Variants in IMMP2L observed in about 807,000 individuals in gnomAD.
IMMP2L encodes the protein mitochondrial inner membrane protease subunit 2.
Under a neutral mutation model 19.3 loss-of-function variants are expected in IMMP2L, and 18 were observed. That is an observed-to-expected ratio of 0.93 (90% CI 0.64 to 1.38). The LOEUF (loss-of-function observed/expected upper bound fraction) is 1.38. Ranked by LOEUF, IMMP2L falls within the 40% of genes most tolerant of loss-of-function variation. IMMP2L has a pLI of 0.00. For synonymous variants in IMMP2L, 76 were observed against 73.0 expected, an observed-to-expected ratio of 1.04 and a Z score of -0.21; for missense variants, 233 against 218.2, an observed-to-expected ratio of 1.07 and a Z score of -0.43.
In IMMP2L at chr7:111,561,863, T is replaced by C. The variant is rs1437275948; in HGVS notation, c.-15A>G. On this transcript the variant is annotated 5_prime_UTR_variant, in exon 1 of 6. Transcript: ENST00000405709. ...ATTCCTTACTTACCCTTTCTCCCGC[T>C]CTTCCTCGGTGAGAAGGGGTAAGTG... 1 of 152,668 alleles carries C rather than the reference T, an allele frequency of 6.6e-6. No individual in the cohort carries two copies. Among genetic ancestry groups the C allele is most frequent in the Non-Finnish European group, 1.5e-5 (1 of 68,066 alleles). 9.5% of individuals were successfully genotyped at this position (152,668 alleles called of 1,614,324 possible).
Position 110,694,918 on chromosome 7 carries a change from G to A in IMMP2L, c.409-31197C>T, listed in dbSNP as rs536958637. 2.0e-5 allele frequency among the ~76,000 whole-genome samples: 3 copies of A among 152,198 alleles called. No individual in the cohort carries two copies. In the South Asian group the frequency reaches 6.2e-4, roughly 32 times the overall value. ...AATGAAATACTGATAAATGAACATGGATAAACCTTGAAAGCGTCGTGTTAA... is the reference window on the plus strand; with the variant it reads ...AATGAAATACTGATAAATGAACATGAATAAACCTTGAAAGCGTCGTGTTAA... On this transcript the variant is annotated intron_variant, in intron 5 of 5. Transcript: ENST00000405709.
chr7:111,425,091 G>A (rs1835936733), intron 3 of IMMP2L, among the ~76,000 whole-genome samples: 1 of 151,826 alleles, frequency 6.6e-6, no homozygotes, highest in Admixed American at 6.6e-5. Context: ...CAACTGAAAT[G>A]TAAATGTAAT....
chr7:111,013,516 TTC>T (rs1325453292), intron 3 of IMMP2L, among the ~76,000 whole-genome samples: 1 of 151,936 alleles, frequency 6.6e-6, no homozygotes, highest in African/African-American at 2.4e-5. Flanking sequence ...GTGTGCAAGT[TTC>T]TGTTTTAGTA....
At chr7:111,188,038 TAGGAAGGGTTGGGA>T (rs1033030867) in intron 3 of IMMP2L, among the ~76,000 whole-genome samples, 1 of 152,054 alleles carries the variant, frequency 6.6e-6, no homozygotes, top group Admixed American at 6.5e-5. Flanking sequence ...GAAGCTTTAG[TAGGAAGGGTTGGGA>T]ACTTCCTGGC....
chr7:110,876,657 T>C (rs756742216), intron 5 of IMMP2L, among the ~76,000 whole-genome samples: 3 of 152,174 alleles, frequency 2.0e-5, no homozygotes, highest in Non-Finnish European at 4.4e-5. Flanking sequence ...TAAGGACTCT[T>C]ATGAGTCAAT....
At chr7:110,875,422 T>C (rs1808967994) in intron 5 of IMMP2L, among the ~76,000 whole-genome samples, 1 of 152,178 alleles carries the variant, frequency 6.6e-6, no homozygotes, top group Non-Finnish European at 1.5e-5. Flanking sequence ...AAGAATGCAA[T>C]ACAGTGTTTT....
chr7:111,508,731 A>G (rs1563289627), intron 2 of IMMP2L, among the ~76,000 whole-genome samples: 2 of 152,162 alleles, frequency 1.3e-5, no homozygotes, highest in African/African-American at 2.4e-5. Flanking sequence ...TAGAAAACCA[A>G]TTAGGAAAGG....
intron 5 of IMMP2L, among the ~76,000 whole-genome samples, chr7:110,811,431 A>T (rs557185254): frequency 6.6e-6 from 1 of 152,170 alleles, no homozygotes; most frequent in East Asian, 1.9e-4. Flanking sequence ...ATATTCATAA[A>T]CAAATATAAG....
chr7:111,042,953 C>T (rs1362907506), intron 3 of IMMP2L, among the ~76,000 whole-genome samples: 13 of 152,148 alleles, frequency 8.5e-5, no homozygotes, highest in East Asian at 3.8e-4. Flanking sequence ...AATTGAAATT[C>T]GATAAATACT....
At chr7:111,494,156 A>AT (rs1434475592) in intron 2 of IMMP2L, among the ~76,000 whole-genome samples, 1 of 152,226 alleles carries the variant, frequency 6.6e-6, no homozygotes, top group African/African-American at 2.4e-5. Context: ...AAGAGACTAC[A>AT]TCAAAATATA....
At chr7:111,369,186 A>G (rs1322774258) in intron 3 of IMMP2L, among the ~76,000 whole-genome samples, 1 of 151,996 alleles carries the variant, frequency 6.6e-6, no homozygotes, top group Non-Finnish European at 1.5e-5. Flanking sequence ...TAAAGGGATG[A>G]CATTACATAT....
intron 3 of IMMP2L, among the ~76,000 whole-genome samples, chr7:111,342,262 T>C (rs1283686799): frequency 1.3e-5 from 2 of 152,034 alleles, no homozygotes; most frequent in African/African-American, 4.8e-5. Flanking sequence ...AAATATTATA[T>C]TTTTATAAAA....
chr7:111,282,832 C>T (rs1232623254), intron 3 of IMMP2L, among the ~76,000 whole-genome samples: 2 of 152,158 alleles, frequency 1.3e-5, no homozygotes, highest in Non-Finnish European at 2.9e-5. Context: ...GATTCACCCC[C>T]TCGGCCTCCC....
At chr7:110,750,142 T>C (rs1797631504) in intron 5 of IMMP2L, among the ~76,000 whole-genome samples, 3 of 152,104 alleles carry the variant, frequency 2.0e-5, no homozygotes, top group Admixed American at 2.0e-4. Context: ...TCTGTGGTCT[T>C]AAGGAATTTT....
At chr7:111,318,283 A>C (rs761529567) in intron 3 of IMMP2L, among the ~76,000 whole-genome samples, 3 of 152,150 alleles carry the variant, frequency 2.0e-5, no homozygotes, top group Admixed American at 6.6e-5. Context: ...TGCCTGGTTA[A>C]TACAGATGTG....
rs545509896 is a variant in IMMP2L, at chr7:111,400,242, G to C, written c.239+86996C>G. ...GTCTGTAAATATTTGTTAAATAAAT[G>C]AATGAGTACAAGACTACAAGACTTT... is the stretch of plus-strand genomic sequence containing the variant. On this transcript the variant is annotated intron_variant, in intron 3 of 5. Transcript: ENST00000405709. Among the ~76,000 whole-genome samples, 14 of 152,238 alleles carry C rather than the reference G, an allele frequency of 9.2e-5. No homozygotes were observed. In the East Asian group the frequency reaches 2.7e-3, roughly 29 times the overall value.
intron 3 of IMMP2L, among the ~76,000 whole-genome samples, chr7:111,338,018 G>A (rs1299846699): frequency 6.6e-6 from 1 of 152,088 alleles, no homozygotes; most frequent in African/African-American, 2.4e-5. Flanking sequence ...TACGATTCAG[G>A]GCAACTTGTG....
chr7:110,736,991 C>T (rs765447093), intron 5 of IMMP2L, among the ~76,000 whole-genome samples: 21 of 152,030 alleles, frequency 1.4e-4, no homozygotes, highest in Admixed American at 2.6e-4. Context: ...CGGAATGCTA[C>T]GGTTTGAATG....
In IMMP2L at chr7:110,824,243, T is replaced by G. The variant is rs530474120; in HGVS notation, c.408+62350A>C. ...ATGAAATGAGATCTGAATGTCTCCT[T>G]TCACCCTTCTTTAGCCCCTAATCAT... On this transcript the variant is annotated intron_variant, in intron 5 of 5. Coordinates refer to ENST00000405709, the MANE Select transcript of IMMP2L (RefSeq NM_032549.4). Among the ~76,000 whole-genome samples, 8 of 152,210 alleles carry G rather than the reference T, an allele frequency of 5.3e-5. No individual in the cohort carries two copies. The East Asian group carries it at 1.4e-3, about 26-fold the overall frequency.
Sources: allele counts gnomAD v4.1 joint callset (sites outside exome capture counted in the v4.1 genomes callset), GRCh38; gene constraint gnomAD v4.1.1; transcripts MANE v1.5; gene names NCBI Gene and HGNC (gene_info 2026-07-23, HGNC 2026-07-21).